The following TMED2 variants were observed in gnomAD, a reference collection of about 807,000 sequenced individuals.
TMED2 encodes transmembrane emp24 domain-containing protein 2.
In TMED2, 3 loss-of-function variants were observed where a neutral mutation model predicts 17.5. That is an observed-to-expected ratio of 0.17 (90% CI 0.08 to 0.44). The LOEUF is 0.44. TMED2 is among the 20% of genes least tolerant of loss of function. The pLI is 0.99. For missense variants in TMED2, 149 were observed against 254.8 expected (o/e 0.58, Z 2.83); for synonymous variants, 95 against 91.0 (o/e 1.04, Z -0.25).
Position 123,584,588 on chromosome 12 carries a change from CGG to C in TMED2, c.-48_-47del, listed in dbSNP as rs774038061. 12 of 1,573,386 alleles carry C rather than the reference CGG, an allele frequency of 7.6e-6. No individual in the cohort carries two copies. The South Asian group carries it at 1.1e-4, about 15-fold the overall frequency. On this transcript the variant is annotated 5_prime_UTR_variant, in exon 1 of 4. Coordinates refer to ENST00000262225, the MANE Select transcript of TMED2 (RefSeq NM_006815.4). ...GGGGCGGCGGCGGCGGCGGCGGCGG[CGG>C]CTGTGGAGGCCGCAGTCCGGGTCCT... is the stretch of plus-strand genomic sequence containing the variant.
chr12:123,588,937 A>G (rs1413369223), intron 2 of TMED2, among the ~76,000 whole-genome samples: 1 of 152,142 alleles, frequency 6.6e-6, no homozygotes, highest in African/African-American at 2.4e-5. Flanking sequence ...ACTGCCTTCA[A>G]TGGTAGAGGC....
At chr12:123,587,697 CTTTCT>C in intron 2 of TMED2, 1 of 1,225,082 alleles carries the variant, frequency 8.2e-7, no homozygotes, top group Non-Finnish European at 1.0e-6. Context: ...CTAATTTCTG[CTTTCT>C]TTTTTCTAAC....
intron 1 of TMED2, 195 bp downstream of exon 1, chr12:123,585,011 G>A (rs890968370): frequency 2.6e-5 from 17 of 662,288 alleles, no homozygotes; most frequent in Non-Finnish European, 3.7e-5. Context: ...CCCGCGACTT[G>A]CCTGGGTTCC....
At chr12:123,585,801 A>T (rs1345002486) in intron 1 of TMED2, 1 of 152,254 alleles carries the variant, frequency 6.6e-6, no homozygotes, top group Admixed American at 6.5e-5. Context: ...CTGGGATGAG[A>T]GTTTGGGTCT....
rs1953445757 is a variant in TMED2 at position 123,598,232 on chromosome 12, C to G, written c.*1503C>G. Reference sequence around the variant, plus strand: ...TTGACATGAGACATGTTCATGTTTTCTGAGTATTTATACCTATTACGTCTG... The same window carrying G: ...TTGACATGAGACATGTTCATGTTTTGTGAGTATTTATACCTATTACGTCTG... On this transcript the variant is annotated 3_prime_UTR_variant, in exon 4 of 4. Transcript: ENST00000262225. 6.6e-6 allele frequency: 1 copy of G among 152,178 alleles called. No homozygotes were observed. The highest frequency in any genetic ancestry group is 6.6e-5 in the Admixed American group (1 of 15,258). The allele number at this position is 152,178 out of a possible 1,614,324, so 9.4% of individuals were successfully genotyped here. A position where few individuals can be genotyped will look rare whatever the true frequency, so the allele number is the denominator to read the frequency against.
At chr12:123,595,299 A>T (rs1021968354) in intron 3 of TMED2, among the ~76,000 whole-genome samples, 1 of 152,162 alleles carries the variant, frequency 6.6e-6, no homozygotes, top group Non-Finnish European at 1.5e-5. Context: ...GTAAATATAG[A>T]GTAGGTGTGG....
At chr12:123,585,938 TA>T (rs1303632389) in intron 1 of TMED2, 2 of 152,234 alleles carry the variant, frequency 1.3e-5, no homozygotes, top group African/African-American at 2.4e-5. Context: ...GTTTATATTT[TA>T]AAAAACCACA....
chr12:123,593,790 G>A (rs576908870), intron 3 of TMED2, among the ~76,000 whole-genome samples: 12 of 152,006 alleles, frequency 7.9e-5, no homozygotes, highest in African/African-American at 1.7e-4. Context: ...GAGCCACCAC[G>A]CCAAGCCCTA....
intron 1 of TMED2, 58 bp from the exon 2 acceptor site, chr12:123,586,689 T>A: frequency 6.9e-7 from 1 of 1,456,904 alleles, no homozygotes; most frequent in Non-Finnish European, 9.3e-7. Context: ...AGACATTACT[T>A]ATAAAGTCTA....
At chr12:123,590,321 T>G (rs765240065) in intron 2 of TMED2, 21 bp from the exon 3 acceptor site, 6 of 1,566,428 alleles carry the variant, frequency 3.8e-6, no homozygotes, top group South Asian at 2.4e-5. Flanking sequence ...AAATGTGTTT[T>G]GTTTTCAAAT....
chr12:123,585,095 A>C, intron 1 of TMED2: 1 of 395,288 alleles, frequency 2.5e-6, no homozygotes, highest in Non-Finnish European at 4.7e-6. Flanking sequence ...TTCCTGTTGG[A>C]ACCTCTCGCT....
At chr12:123,596,466 G>GTA in intron 3 of TMED2, 139 bp from the exon 4 acceptor site, 1 of 1,108,432 alleles carries the variant, frequency 9.0e-7, no homozygotes, top group Non-Finnish European at 1.2e-6. Flanking sequence ...TAACCCCATC[G>GTA]TAAGTTGAGG....
intron 1 of TMED2, 69 bp downstream of exon 1, chr12:123,584,885 C>T: frequency 2.5e-6 from 4 of 1,572,198 alleles, no homozygotes; most frequent in Admixed American, 1.7e-5. Context: ...CACCTGGGAC[C>T]GGCGCGGGGC....
rs935000949 is a variant in TMED2 at position 123,587,549 on chromosome 12, A to T, written c.373+610A>T. 3.7e-5 allele frequency: 45 copies of T among 1,222,124 alleles called. 1 individual carries two copies. Among genetic ancestry groups the T allele is most frequent in the Non-Finnish European group, 4.6e-5 (44 of 948,526 alleles). 75.7% of individuals were successfully genotyped at this position (1,222,124 alleles called of 1,614,324 possible). A position where few individuals can be genotyped will look rare whatever the true frequency, so the allele number is the denominator to read the frequency against. Reference sequence around the variant, plus strand: ...CTTTATTTGCTCATTTGTATACATGACTAGTTTAGCTAAACTTTTTGTTGG... The same window carrying T: ...CTTTATTTGCTCATTTGTATACATGTCTAGTTTAGCTAAACTTTTTGTTGG... On this transcript the variant is annotated intron_variant, in intron 2 of 3. Coordinates refer to ENST00000262225, the MANE Select transcript of TMED2 (RefSeq NM_006815.4).
In TMED2 at chr12:123,597,303, C is replaced by T. The variant is rs1365222880; in HGVS notation, c.*574C>T. On this transcript the variant is annotated 3_prime_UTR_variant, in exon 4 of 4. Transcript: ENST00000262225. ...TGCTTTAAAACTACGACTCAGCATA[C>T]ATTTTCCCACATACATTTTTACATT... The T allele has an allele frequency of 6.6e-6, 1 of 152,204 alleles. No homozygotes were observed. The highest frequency in any genetic ancestry group is 1.5e-5 in the Non-Finnish European group (1 of 68,062). The allele number at this position is 152,204 out of a possible 1,614,324, so 9.4% of individuals were successfully genotyped here.
chr12:123,587,076 T>G, intron 2 of TMED2, 137 bp downstream of exon 2: 1 of 829,650 alleles, frequency 1.2e-6, no homozygotes, highest in Non-Finnish European at 1.7e-6. Flanking sequence ...ACGCTTTTTA[T>G]TTTTTGCAAG....
chr12:123,588,049 G>A (rs1336995286), intron 2 of TMED2, among the ~76,000 whole-genome samples: 1 of 152,038 alleles, frequency 6.6e-6, no homozygotes, highest in Admixed American at 6.6e-5. Context: ...GGAGCCATAT[G>A]TTGATATGAA....
intron 2 of TMED2, among the ~76,000 whole-genome samples, chr12:123,588,744 G>C (rs1031799261): frequency 2.6e-5 from 4 of 152,100 alleles, no homozygotes; most frequent in Non-Finnish European, 5.9e-5. Context: ...TCTAGGACTG[G>C]AGGCCATGGA....
intron 2 of TMED2, among the ~76,000 whole-genome samples, chr12:123,588,276 G>A (rs1225106896): frequency 2.0e-5 from 3 of 151,760 alleles, no homozygotes; most frequent in African/African-American, 4.8e-5. Context: ...TACTATTAGC[G>A]TGGTAACATT....
Sources: gnomAD v4.1 joint callset for allele counts (sites outside exome capture counted in the v4.1 genomes callset) on GRCh38, gnomAD v4.1.1 for gene constraint, MANE v1.5 for transcripts, NCBI Gene and HGNC (gene_info 2026-07-23, HGNC 2026-07-21) for gene names.